The following MINK1 variants were observed in gnomAD, a reference collection of about 807,000 sequenced individuals.
MINK1 encodes misshapen like kinase 1, also known as misshapen-like kinase 1.
MINK1 carries 46 observed loss-of-function variants against 178.4 expected under a neutral mutation model. The ratio of observed to expected loss-of-function variants is 0.26; its 90% CI spans 0.20 to 0.33. MINK1 has a LOEUF of 0.33. Ranked by LOEUF, MINK1 falls within the 10% of genes least tolerant of loss-of-function variation. The probability of loss-of-function intolerance (pLI) is 1.00; values close to 1 mark genes in which losing one functional copy is unlikely to be tolerated. For synonymous variants in MINK1, 797 were observed against 709.7 expected (o/e 1.12, Z -1.96); for missense variants, 1,366 against 1,814.9 (o/e 0.75, Z 4.49).
At position 4,875,796 on chromosome 17, in the gene MINK1, G is replaced by GT. The variant is rs199503442; in HGVS notation, c.58-2513dup. Among the ~76,000 whole-genome samples the GT allele has an allele frequency of 4.0e-3, 595 of 150,078 alleles. 11 individuals carry two copies. In the East Asian group the frequency reaches 0.063, roughly 16 times the overall value. On this transcript the variant is annotated intron_variant, in intron 1 of 31. Coordinates refer to ENST00000355280, the MANE Select transcript of MINK1 (RefSeq NM_153827.5). ...CAAAAAAAATGAATAAATTTGTTAG[G>GT]TTTTTTTTCCCCCCGCCGAGACAGA...
intron 1 of MINK1, among the ~76,000 whole-genome samples, chr17:4,872,981 C>T (rs1916034826): frequency 6.6e-6 from 1 of 152,200 alleles, no homozygotes; most frequent in Non-Finnish European, 1.5e-5. Context: ...TCTCCTCCAG[C>T]CCCCGCTGTC....
rs768034017 is a variant in MINK1, at chr17:4,895,717, G to A, written c.3249G>A (p.Arg1083=). 6.2e-7 allele frequency: 1 copy of A among 1,613,592 alleles called. No individual in the cohort carries two copies. The highest frequency in any genetic ancestry group is 1.7e-5 in the Admixed American group (1 of 59,938). Residue 1083 remains arginine (R), a synonymous_variant, in exon 27 of 32, where the codon CGG becomes CGA. Transcript: ENST00000355280. This position sits in a 1 kb window ranked among gnomAD's most constrained non-coding sequence, Gnocchi z 4.3. ...ITISGKRNKL[R]VYYLSWLRNK... is the part of the protein sequence containing the mutation. ...CCTCAGGGAAAAGGAACAAACTGCG[G>A]GTGTATTACCTGTCCTGGCTCCGGA...
chr17:4,895,096 C>T lies in MINK1; in HGVS notation c.2939C>T (p.Thr980Ile). ...PITALVGGEG[T>I]RLDQLQYDVR... ...GCAGCCCTAGTGGGTGGAGAGGGCA[C>T]TCGGCTCGACCAGCTGCAGTACGAC... is the stretch of plus-strand genomic sequence containing the variant. Residue 980 changes from threonine to isoleucine, a missense_variant, in exon 25 of 32, where the codon ACT becomes ATT. Physicochemically the swap from Thr to Ile is moderately conservative, Grantham distance 89 (BLOSUM62 -1). This residue lies in a region of MINK1 where 709 missense variants were observed against 692.3 expected (regional missense o/e 1.02). Transcript: ENST00000355280. The surrounding 1 kb of genome is among the most constrained non-coding windows in gnomAD (Gnocchi z 4.3). 6.2e-7 allele frequency: 1 copy of T among 1,613,582 alleles called. No homozygotes were observed. Among genetic ancestry groups the T allele is most frequent in the Non-Finnish European group, 8.5e-7 (1 of 1,179,992 alleles).
intron 1 of MINK1, among the ~76,000 whole-genome samples, chr17:4,852,215 G>C (rs982189644): frequency 1.3e-5 from 2 of 152,078 alleles, no homozygotes; most frequent in African/African-American, 4.8e-5. Context: ...CTGCATTAAG[G>C]AAGGAGGGAG....
intron 1 of MINK1, among the ~76,000 whole-genome samples, chr17:4,841,984 G>A (rs2150751048): frequency 1.3e-5 from 2 of 152,212 alleles, no homozygotes; most frequent in East Asian, 3.9e-4. Flanking sequence ...CACTTTGGGA[G>A]GCCGAGGCGG....
At chr17:4,853,760 C>A (rs1389638825) in intron 1 of MINK1, among the ~76,000 whole-genome samples, 2 of 151,996 alleles carry the variant, frequency 1.3e-5, no homozygotes, top group African/African-American at 2.4e-5. Context: ...GAAACTGATT[C>A]TTGGGAGAGA....
intron 1 of MINK1, among the ~76,000 whole-genome samples, chr17:4,868,211 A>G (rs1472922158): frequency 1.3e-5 from 2 of 152,162 alleles, no homozygotes; most frequent in Non-Finnish European, 2.9e-5. Flanking sequence ...TCCTGACCTC[A>G]GGTGGTCCAC....
chr17:4,896,681 C>T lies in MINK1; in HGVS notation c.3783C>T (p.Ile1261=). The part of the protein sequence containing the change: ...WGEMPTSVAY[I]CSNQIMGWGE... ...CTCACCTGTTCCCCACAGCCTACAT[C>T]TGCTCCAACCAGATAATGGGCTGGG... The change falls in exon 31 of 32, where the codon ATC becomes ATT. Residue 1261 remains isoleucine (I), a synonymous_variant. Transcript: ENST00000355280. The surrounding 1 kb of genome is among the most constrained non-coding windows in gnomAD (Gnocchi z 4.6). 6.2e-7 allele frequency: 1 copy of T among 1,601,034 alleles called. No individual in the cohort carries two copies. Among genetic ancestry groups the T allele is most frequent in the Non-Finnish European group, 8.5e-7 (1 of 1,172,324 alleles).
rs750826867 is a variant in MINK1, at chr17:4,896,827, T to A, written c.3915+14T>A. On this transcript the variant is annotated intron_variant, in intron 31 of 31. Transcript: ENST00000355280. This position sits in a 1 kb window ranked among gnomAD's most constrained non-coding sequence, Gnocchi z 4.6. ...CGGAATGACAAGGTGGGAGGCTCCTTCCCTCTGAAAGCCCTGCTGTCCCGG... is the reference window on the plus strand; with the variant it reads ...CGGAATGACAAGGTGGGAGGCTCCTACCCTCTGAAAGCCCTGCTGTCCCGG... The A allele has an allele frequency of 1.3e-6, 2 of 1,546,280 alleles. No individual in the cohort carries two copies. The highest frequency in any genetic ancestry group is 2.5e-5 in the South Asian group (2 of 79,188).
Position 4,895,323 on chromosome 17 carries a change from T to C in MINK1, c.3086-27T>C, listed in dbSNP as rs1969336078. ...TTAGGTGAGGGCCTGGCTGAGCCTCTGACCTGCCCAAGGGCTCCTGTTGCA... is the reference window on the plus strand; with the variant it reads ...TTAGGTGAGGGCCTGGCTGAGCCTCCGACCTGCCCAAGGGCTCCTGTTGCA... On this transcript the variant is annotated intron_variant, in intron 25 of 31. Transcript: ENST00000355280. This position sits in a 1 kb window ranked among gnomAD's most constrained non-coding sequence, Gnocchi z 4.3. 3 of 1,603,624 alleles carry C rather than the reference T, an allele frequency of 1.9e-6. No individual in the cohort carries two copies. The highest frequency in any genetic ancestry group is 2.6e-6 in the Non-Finnish European group (3 of 1,173,276).
In MINK1 at chr17:4,891,452, G is replaced by A. The variant is rs746184954; in HGVS notation, c.1741-4G>A. ...AGCCCACCCTCCCTGGTCTCTCCCTGCAGAGCCTGGTGGCACACCGGGTCC... is the reference window on the plus strand; with the variant it reads ...AGCCCACCCTCCCTGGTCTCTCCCTACAGAGCCTGGTGGCACACCGGGTCC... On this transcript the variant is annotated splice_polypyrimidine_tract_variant and splice_region_variant and intron_variant, in intron 15 of 31. Coordinates refer to ENST00000355280, the MANE Select transcript of MINK1 (RefSeq NM_153827.5). 1.3e-5 allele frequency: 21 copies of A among 1,565,752 alleles called. No individual in the cohort carries two copies. In the South Asian group the frequency reaches 2.0e-4, roughly 15 times the overall value.
In MINK1 at chr17:4,885,094, A is replaced by T; in HGVS notation, c.508+92A>T. The T allele has an allele frequency of 8.4e-7, 1 of 1,188,794 alleles. No individual in the cohort carries two copies. The highest frequency in any genetic ancestry group is 1.2e-6 in the Non-Finnish European group (1 of 819,836). 73.6% of individuals were successfully genotyped at this position (1,188,794 alleles called of 1,614,324 possible). A position where few individuals can be genotyped will look rare whatever the true frequency, so the allele number is the denominator to read the frequency against. On this transcript the variant is annotated intron_variant, in intron 6 of 31. Transcript: ENST00000355280. This position sits in a 1 kb window ranked among gnomAD's most constrained non-coding sequence, Gnocchi z 5.0. Reference sequence around the variant, plus strand: ...TTTTCTCTCTGGTGGCTCAGGCCCAACTCCCTTCCTACTGGGGAGGCTCAC... The same window carrying T: ...TTTTCTCTCTGGTGGCTCAGGCCCATCTCCCTTCCTACTGGGGAGGCTCAC...
chr17:4,891,830 A>G (rs1303156367), intron 16 of MINK1, 114 bp downstream of exon 16: 2 of 1,398,710 alleles, frequency 1.4e-6, no homozygotes, highest in Non-Finnish European at 1.9e-6. Context: ...AGCGAGAGAA[A>G]GCCAGGGCGC....
intron 1 of MINK1, among the ~76,000 whole-genome samples, chr17:4,877,755 G>A (rs1487555200): frequency 3.4e-5 from 5 of 147,034 alleles, no homozygotes; most frequent in African/African-American, 5.1e-5. Context: ...GTTTGAAATC[G>A]GGAACATGTC....
Position 4,896,060 on chromosome 17 carries a change from A to T in MINK1, c.3422A>T (p.Tyr1141Phe). The change falls in exon 28 of 32, where the codon TAT (tyrosine) becomes TTT (phenylalanine). Residue 1141 changes from tyrosine (Y) to phenylalanine (F), a missense_variant. By Grantham distance (22) the Tyr-to-Phe change is conservative. Around this residue, in one of 14 missense-constraint regions of MINK1, gnomAD observed 77 missense variants for 119.5 expected, o/e 0.64. Transcript: ENST00000355280. The surrounding 1 kb of genome is among the most constrained non-coding windows in gnomAD (Gnocchi z 4.6). The stretch of plus-strand genomic sequence containing the variant: ...GCCCTCAAGAGCTCCGTGGAGGTGT[A>T]TGCCTGGGCCCCCAAACCCTACCAC... Reference protein sequence around the residue: ...VIALKSSVEVYAWAPKPYHKF... With the variant: ...VIALKSSVEVFAWAPKPYHKF... 6.2e-7 allele frequency: 1 copy of T among 1,608,004 alleles called. No homozygotes were observed. Among genetic ancestry groups the T allele is most frequent in the Non-Finnish European group, 8.5e-7 (1 of 1,177,208 alleles).
At chr17:4,843,018 C>G (rs1490250723) in intron 1 of MINK1, among the ~76,000 whole-genome samples, 6 of 152,108 alleles carry the variant, frequency 3.9e-5, no homozygotes, top group African/African-American at 1.4e-4. Flanking sequence ...TTTCCCAGTC[C>G]CAGTCAAGAG....
chr17:4,884,532 A>G, intron 5 of MINK1, 59 bp downstream of exon 5: 1 of 1,275,574 alleles, frequency 7.8e-7, no homozygotes, highest in Non-Finnish European at 1.1e-6. Flanking sequence ...GAGTTTCTCC[A>G]TGAGCAAAGA....
At chr17:4,871,377 A>C (rs751725534) in intron 1 of MINK1, among the ~76,000 whole-genome samples, 36 of 151,398 alleles carry the variant, frequency 2.4e-4, no homozygotes, top group Middle Eastern at 6.3e-3. Context: ...TTTTTTGTAG[A>C]GATGTGGTCT....
At chr17:4,863,875 C>T (rs1022840586) in intron 1 of MINK1, among the ~76,000 whole-genome samples, 17 of 152,118 alleles carry the variant, frequency 1.1e-4, no homozygotes, top group African/African-American at 3.6e-4. Flanking sequence ...CTGCAACCTT[C>T]GCCTCCCGGG....
Sources: allele counts gnomAD v4.1 joint callset (sites outside exome capture counted in the v4.1 genomes callset), GRCh38; gene constraint gnomAD v4.1.1; regional missense constraint gnomAD v4.1.1; non-coding constraint Gnocchi (gnomAD v3.1); transcripts MANE v1.5; gene names NCBI Gene and HGNC (gene_info 2026-07-23, HGNC 2026-07-21).